Variants in DHRSX observed in about 807,000 individuals in gnomAD.
The protein encoded by DHRSX is polyprenol dehydrogenase.
A neutral mutation model predicts 34.0 loss-of-function variants in DHRSX; 31 were observed. The ratio of observed to expected loss-of-function variants is 0.91; its 90% CI spans 0.69 to 1.23. The LOEUF is 1.23. Among genes scored for constraint, DHRSX ranks in the 50% most tolerant of loss-of-function variants. The probability of loss-of-function intolerance (pLI) is 0.00; values close to 1 mark genes in which losing one functional copy is unlikely to be tolerated. For synonymous variants in DHRSX, 201 were observed against 183.8 expected, an observed-to-expected ratio of 1.09 and a Z score of -0.76; for missense variants, 414 against 428.1, an observed-to-expected ratio of 0.97 and a Z score of 0.29.
chrX:2,500,901 C>T lies in DHRSX; in HGVS notation c.25G>A (p.Ala9Thr), dbSNP rs2045411886. The T allele has an allele frequency of 1.8e-6, 2 of 1,127,160 alleles. No homozygotes were observed. The highest frequency in any genetic ancestry group is 5.1e-5 in the East Asian group (1 of 19,486). The allele number at this position is 1,127,160 out of a possible 1,614,324, so 69.8% of individuals were successfully genotyped here. MSPLSAAR[A>T]ALRVYAVGAA... ...CCTACCGCGTAGACCCGCAGGGCCGCCCGCGCCGCAGACAATGGCGACATG... is the reference window on the plus strand; with the variant it reads ...CCTACCGCGTAGACCCGCAGGGCCGTCCGCGCCGCAGACAATGGCGACATG... The change falls in exon 1 of 7, where the codon GCG becomes ACG. Residue 9 changes from alanine to threonine, a missense_variant. Coordinates refer to ENST00000334651, the MANE Select transcript of DHRSX (RefSeq NM_145177.3).
At chrX:2,237,845 G>T (rs1268137283) in intron 6 of DHRSX, among the ~76,000 whole-genome samples, 2 of 152,030 alleles carry the variant, frequency 1.3e-5, no homozygotes, top group African/African-American at 2.4e-5. Context: ...TGAGACAACT[G>T]GGGTGGGAAG....
intron 1 of DHRSX, among the ~76,000 whole-genome samples, chrX:2,498,592 A>G (rs1307082883): frequency 6.6e-6 from 1 of 150,486 alleles, no homozygotes; most frequent in Non-Finnish European, 1.5e-5. Context: ...GTCCTCTTTA[A>G]CAACCTTCTG....
intron 3 of DHRSX, among the ~76,000 whole-genome samples, chrX:2,303,877 G>GTGGATGGATGGATGGATGGA (rs1391288726): frequency 3.6e-5 from 2 of 56,208 alleles, no homozygotes; most frequent in African/African-American, 1.2e-4. Context: ...GGGTGGATGG[G>GTGGATGGATGGATGGATGGA]TGGATGGATG....
chrX:2,231,466 TCCC>T (rs200686302), intron 6 of DHRSX, among the ~76,000 whole-genome samples: 3,575 of 149,238 alleles, frequency 0.024, 84 homozygotes, highest in African/African-American at 0.055. Context: ...TTTCTCTTCC[TCCC>T]CCATCTTATC....
chrX:2,479,208 C>A (rs1216303892), intron 1 of DHRSX, among the ~76,000 whole-genome samples: 2 of 148,446 alleles, frequency 1.3e-5, no homozygotes, highest in Admixed American at 1.3e-4. Flanking sequence ...GGACTCCCAC[C>A]CTGTGCACAC....
At chrX:2,243,350 C>A in intron 5 of DHRSX, 120 bp from the exon 6 acceptor site, 1 of 779,602 alleles carries the variant, frequency 1.3e-6, no homozygotes, top group African/African-American at 1.7e-5. Flanking sequence ...CTCCCCTAGA[C>A]CCATGTGTGA....
At chrX:2,352,652 G>A (rs376966671) in intron 3 of DHRSX, among the ~76,000 whole-genome samples, 4 of 152,134 alleles carry the variant, frequency 2.6e-5, no homozygotes, top group South Asian at 2.1e-4. Flanking sequence ...ACTTATCAGG[G>A]TGGAAACTCT....
At chrX:2,408,934 G>T in intron 2 of DHRSX, 121 bp from the exon 3 acceptor site, 1 of 845,010 alleles carries the variant, frequency 1.2e-6, no homozygotes, top group Non-Finnish European at 1.9e-6. Flanking sequence ...TGCCTTTGAT[G>T]GACTTTCCCT....
At chrX:2,460,459 C>T (rs1301177816) in intron 1 of DHRSX, among the ~76,000 whole-genome samples, 1 of 152,156 alleles carries the variant, frequency 6.6e-6, no homozygotes, top group African/African-American at 2.4e-5. Flanking sequence ...AGGCTATTGC[C>T]CAGCCTGGAG....
At chrX:2,246,740 G>GAA (rs1303049663) in intron 5 of DHRSX, among the ~76,000 whole-genome samples, 4 of 110,230 alleles carry the variant, frequency 3.6e-5, no homozygotes, top group Admixed American at 3.5e-4. Flanking sequence ...AAGAAAGAAA[G>GAA]AAAGAAAGAA....
At chrX:2,256,534 G>A (rs1465127687) in intron 5 of DHRSX, among the ~76,000 whole-genome samples, 3 of 152,096 alleles carry the variant, frequency 2.0e-5, no homozygotes, top group Non-Finnish European at 4.4e-5. Context: ...GACCTCAGGT[G>A]ATACGCCCGC....
intron 1 of DHRSX, among the ~76,000 whole-genome samples, chrX:2,493,583 C>G (rs2045212213): frequency 1.3e-5 from 2 of 151,696 alleles, no homozygotes; most frequent in Non-Finnish European, 2.9e-5. Flanking sequence ...GAAGAGGTCC[C>G]AGTACCAGTA....
intron 6 of DHRSX, among the ~76,000 whole-genome samples, chrX:2,236,404 T>C (rs1449948610): frequency 6.6e-6 from 1 of 152,108 alleles, no homozygotes; most frequent in East Asian, 1.9e-4. Context: ...GTGAAGTCCC[T>C]GGTGGCTCTA....
intron 1 of DHRSX, chrX:2,488,673 C>A (rs747102073): frequency 6.2e-7 from 1 of 1,611,894 alleles, no homozygotes. Flanking sequence ...AAGAAACCGC[C>A]GCTGACGCCA....
intron 1 of DHRSX, chrX:2,490,346 T>A: frequency 6.2e-7 from 1 of 1,613,282 alleles, no homozygotes; most frequent in South Asian, 1.1e-5. Flanking sequence ...GGCCGTCAGC[T>A]CCTGCTGCTT....
At chrX:2,293,062 C>T (rs180719131) in intron 3 of DHRSX, among the ~76,000 whole-genome samples, 23 of 152,226 alleles carry the variant, frequency 1.5e-4, no homozygotes, top group African/African-American at 5.1e-4. Flanking sequence ...GGATTACAGG[C>T]GTGAGCAGCT....
chrX:2,390,938 C>T (rs1312364891), intron 3 of DHRSX, among the ~76,000 whole-genome samples: 1 of 152,118 alleles, frequency 6.6e-6, no homozygotes, highest in African/African-American at 2.4e-5. Flanking sequence ...TTTCACTTAG[C>T]ATTAATGTCC....
In DHRSX at chrX:2,357,387, C is replaced by G. The variant is rs192300630; in HGVS notation, c.286+51358G>C. ...AAATCCCTGAGATAAAAACCCAGAT[C>G]TGCCATTATAAGATGTATAGTAAGC... On this transcript the variant is annotated intron_variant, in intron 3 of 6. Coordinates refer to ENST00000334651, the MANE Select transcript of DHRSX (RefSeq NM_145177.3). Among the ~76,000 whole-genome samples, 449 of 152,164 alleles carry G rather than the reference C, an allele frequency of 3.0e-3. 2 individuals are homozygous for G. The highest frequency in any genetic ancestry group is 0.01 in the African/African-American group (422 of 41,544).
intron 1 of DHRSX, among the ~76,000 whole-genome samples, chrX:2,454,071 A>C (rs2044263847): frequency 6.6e-6 from 1 of 152,202 alleles, no homozygotes; most frequent in African/African-American, 2.4e-5. Flanking sequence ...TTTTCTATAA[A>C]AATGACTTGC....
Sources: gnomAD v4.1 joint callset for allele counts (sites outside exome capture counted in the v4.1 genomes callset) on GRCh38, gnomAD v4.1.1 for gene constraint, MANE v1.5 for transcripts, NCBI Gene and HGNC (gene_info 2026-07-23, HGNC 2026-07-21) for gene names.